ADAMTS12: variants seen among roughly 807,000 people sequenced by gnomAD.
ADAMTS12 encodes ADAM metallopeptidase with thrombospondin type 1 motif 12.
ADAMTS12 carries 118 observed loss-of-function variants against 167.8 expected under a neutral mutation model. The observed-to-expected ratio is 0.70, with a 90% CI of 0.61 to 0.82. The LOEUF is 0.82. Ranked by LOEUF, ADAMTS12 falls within the 40% of genes least tolerant of loss-of-function variation. The probability of loss-of-function intolerance (pLI) is 0.00; values close to 1 mark genes in which losing one functional copy is unlikely to be tolerated. For synonymous variants in ADAMTS12, 704 were observed against 716.9 expected, an observed-to-expected ratio of 0.98 and a Z score of 0.29; for missense variants, 1,916 against 1,998.8, an observed-to-expected ratio of 0.96 and a Z score of 0.79.
At chr5:33,631,405 C>A (rs1739924848) in intron 12 of ADAMTS12, among the ~76,000 whole-genome samples, 1 of 152,178 alleles carries the variant, frequency 6.6e-6, no homozygotes, top group Non-Finnish European at 1.5e-5. Flanking sequence ...TCACCACCAG[C>A]ATAATCCTGC....
intron 5 of ADAMTS12, among the ~76,000 whole-genome samples, chr5:33,677,643 A>C (rs181501000): frequency 6.6e-6 from 1 of 152,248 alleles, no homozygotes; most frequent in East Asian, 1.9e-4. Context: ...AATTTGGGCC[A>C]TAAAATGAAA....
chr5:33,617,343 C>A (rs1489414699), intron 14 of ADAMTS12, among the ~76,000 whole-genome samples: 1 of 152,032 alleles, frequency 6.6e-6, no homozygotes, highest in East Asian at 1.9e-4. Context: ...CCTGAAAGTG[C>A]CTCAATTTCT....
intron 2 of ADAMTS12, among the ~76,000 whole-genome samples, chr5:33,777,911 A>G (rs944745182): frequency 4.6e-5 from 7 of 152,170 alleles, no homozygotes; most frequent in African/African-American, 1.7e-4. Context: ...AATTTTTAAA[A>G]AATCACATTT....
At chr5:33,723,696 A>G (rs970909043) in intron 3 of ADAMTS12, among the ~76,000 whole-genome samples, 10 of 152,208 alleles carry the variant, frequency 6.6e-5, no homozygotes, top group Non-Finnish European at 1.0e-4. Context: ...GCCCTGGGCA[A>G]GCAGAGGTAC....
In ADAMTS12 at chr5:33,881,478, G is replaced by C. The variant is rs1215711753; in HGVS notation, c.130C>G (p.His44Asp). ...TATTCTGGCAGGCCCTTGATAAAAT[G>C]CTCTGAAAGAAAAGGAGAAATGGAA... ...PVRFPDRRQE[H>D]FIKGLPEYHV... Residue 44 changes from histidine (H) to aspartate (D), a missense_variant and splice_region_variant, in exon 2 of 24, where the codon CAT becomes GAT. Coordinates refer to ENST00000504830, the MANE Select transcript of ADAMTS12 (RefSeq NM_030955.4). The C allele has an allele frequency of 6.2e-7, 1 of 1,609,750 alleles. No homozygotes were observed. Among genetic ancestry groups the C allele is most frequent in the Admixed American group, 1.7e-5 (1 of 59,928 alleles).
At chr5:33,595,001 A>C (rs1747840977) in intron 17 of ADAMTS12, among the ~76,000 whole-genome samples, 2 of 152,052 alleles carry the variant, frequency 1.3e-5, no homozygotes, top group Admixed American at 1.3e-4. Flanking sequence ...TGCTTGATGG[A>C]CTCTGCAACA....
chr5:33,886,509 A>G (rs1750643941), intron 1 of ADAMTS12, among the ~76,000 whole-genome samples: 1 of 152,196 alleles, frequency 6.6e-6, no homozygotes, highest in Non-Finnish European at 1.5e-5. Flanking sequence ...TAGCCACCAC[A>G]CTTCATTAGT....
intron 3 of ADAMTS12, among the ~76,000 whole-genome samples, chr5:33,694,576 C>A (rs886615079): frequency 2.6e-5 from 4 of 152,130 alleles, no homozygotes; most frequent in Non-Finnish European, 5.9e-5. Context: ...GAACTACTGA[C>A]ACATAAAGTA....
At chr5:33,646,737 T>TA (rs35403668) in intron 9 of ADAMTS12, among the ~76,000 whole-genome samples, 32 of 30,304 alleles carry the variant, frequency 1.1e-3, no homozygotes, top group East Asian at 9.5e-3. Flanking sequence ...CGTAATATGT[T>TA]AAAAAAACCC....
chr5:33,568,207 A>C (rs1435722832), intron 19 of ADAMTS12, among the ~76,000 whole-genome samples: 1 of 152,248 alleles, frequency 6.6e-6, no homozygotes, highest in Non-Finnish European at 1.5e-5. Context: ...TACTGTAAGC[A>C]TGAAAACCTT....
chr5:33,696,822 T>C (rs1742797768), intron 3 of ADAMTS12, among the ~76,000 whole-genome samples: 1 of 152,258 alleles, frequency 6.6e-6, no homozygotes, highest in African/African-American at 2.4e-5. Flanking sequence ...TGGCTTCACC[T>C]ATGGGCCTCT....
intron 5 of ADAMTS12, among the ~76,000 whole-genome samples, chr5:33,675,172 G>C (rs1160373436): frequency 6.6e-6 from 1 of 152,158 alleles, no homozygotes; most frequent in African/African-American, 2.4e-5. Flanking sequence ...GTGATATTCT[G>C]TTATAGAGAA....
At position 33,588,705 on chromosome 5, in the gene ADAMTS12, G is replaced by C. The variant is rs1747484641; in HGVS notation, c.2759C>G (p.Ala920Gly). 1 of 1,613,962 alleles carries C rather than the reference G, an allele frequency of 6.2e-7. No individual in the cohort carries two copies. Among genetic ancestry groups the C allele is most frequent in the Non-Finnish European group, 8.5e-7 (1 of 1,180,030 alleles). ...CIQTMVSDEQALPPTDCQHLL... is the reference protein window; with the variant it reads ...CIQTMVSDEQGLPPTDCQHLL... ...GTGCTGGCAGTCTGTGGGCGGGAGA[G>C]CCTGCTCGTCAGAGACCATGGTCTG... is the stretch of plus-strand genomic sequence containing the variant. Residue 920 changes from alanine to glycine, a missense_variant, in exon 18 of 24, where the codon GCT becomes GGT. Ala to Gly is a moderately conservative substitution (Grantham distance 60, BLOSUM62 0). Coordinates refer to ENST00000504830, the MANE Select transcript of ADAMTS12 (RefSeq NM_030955.4).
intron 1 of ADAMTS12, among the ~76,000 whole-genome samples, chr5:33,885,882 G>C (rs1750619675): frequency 6.6e-6 from 1 of 152,330 alleles, no homozygotes; most frequent in South Asian, 2.1e-4. Context: ...GAAAAAGCAG[G>C]CCAGGGTGGA....
At chr5:33,811,882 C>T (rs1249373554) in intron 2 of ADAMTS12, among the ~76,000 whole-genome samples, 1 of 152,160 alleles carries the variant, frequency 6.6e-6, no homozygotes, top group African/African-American at 2.4e-5. Context: ...TTGGAATCTA[C>T]ACCCGTGCTG....
At chr5:33,638,940 A>G (rs1579785473) in intron 11 of ADAMTS12, among the ~76,000 whole-genome samples, 1 of 152,350 alleles carries the variant, frequency 6.6e-6, no homozygotes, top group East Asian at 1.9e-4. Context: ...GTTCCCAGGC[A>G]TGCCTTCTGG....
chr5:33,828,901 T>G (rs919462954), intron 2 of ADAMTS12, among the ~76,000 whole-genome samples: 1 of 152,184 alleles, frequency 6.6e-6, no homozygotes, highest in African/African-American at 2.4e-5. Context: ...GCCCCTGTGT[T>G]GCAGTTACTA....
chr5:33,838,668 C>A (rs1900178), intron 2 of ADAMTS12, among the ~76,000 whole-genome samples: 1 of 151,552 alleles, frequency 6.6e-6, no homozygotes, highest in African/African-American at 2.4e-5. Context: ...GGTGACAAAG[C>A]GAGACTCTGT....
intron 3 of ADAMTS12, among the ~76,000 whole-genome samples, chr5:33,697,812 G>A (rs1467765412): frequency 1.3e-5 from 2 of 152,234 alleles, no homozygotes; most frequent in Admixed American, 6.5e-5. Context: ...CGGCCAATGG[G>A]GAAAGGGTAC....
Sources: allele counts gnomAD v4.1 joint callset (sites outside exome capture counted in the v4.1 genomes callset), GRCh38; gene constraint gnomAD v4.1.1; transcripts MANE v1.5; gene names NCBI Gene and HGNC (gene_info 2026-07-23, HGNC 2026-07-21).